Variants in MEIOB observed in about 807,000 individuals in gnomAD.
MEIOB encodes meiosis specific with OB-fold.
A neutral mutation model predicts 53.1 loss-of-function variants in MEIOB; 50 were observed. The ratio of observed to expected loss-of-function variants is 0.94; its 90% CI spans 0.75 to 1.19. MEIOB has a LOEUF of 1.19. Among genes scored for constraint, MEIOB ranks in the 50% most tolerant of loss-of-function variants. The probability of loss-of-function intolerance (pLI) is 0.00; values close to 1 mark genes in which losing one functional copy is unlikely to be tolerated. For missense variants in MEIOB, 551 were observed against 550.8 expected, an observed-to-expected ratio of 1.00 and a Z score of 0.00; for synonymous variants, 192 against 182.5, an observed-to-expected ratio of 1.05 and a Z score of -0.42.
intron 8 of MEIOB, 21 bp downstream of exon 8, chr16:1,853,198 A>AC (rs1304068953): frequency 6.4e-7 from 1 of 1,557,154 alleles, no homozygotes; most frequent in Non-Finnish European, 8.7e-7. Context: ...AATATTGGAC[A>AC]CAATCATTGA....
chr16:1,860,173 G>A (rs1436840189), intron 5 of MEIOB, among the ~76,000 whole-genome samples: 2 of 152,116 alleles, frequency 1.3e-5, no homozygotes, highest in African/African-American at 4.8e-5. Flanking sequence ...TCAAATTTTT[G>A]TAAATCTAAG....
In MEIOB at chr16:1,841,979, A is replaced by G; in HGVS notation, c.881-6T>C. On this transcript the variant is annotated splice_region_variant and splice_polypyrimidine_tract_variant and intron_variant, in intron 10 of 13. Coordinates refer to ENST00000325962, the MANE Select transcript of MEIOB (RefSeq NM_001163560.3). ...GACATCAACTATTGTACTTACTAAA[A>G]ACAGAAAGAAGTATTACAGTTCTGT... is the stretch of plus-strand genomic sequence containing the variant. 1 of 1,537,816 alleles carries G rather than the reference A, an allele frequency of 6.5e-7. No individual in the cohort carries two copies. The highest frequency in any genetic ancestry group is 2.1e-5 in the Admixed American group (1 of 48,766).
At chr16:1,859,704 C>G (rs1899395343) in intron 5 of MEIOB, among the ~76,000 whole-genome samples, 1 of 152,176 alleles carries the variant, frequency 6.6e-6, no homozygotes, top group South Asian at 2.1e-4. Context: ...GAACGGGTCA[C>G]AGTTGATGCG....
In MEIOB at chr16:1,863,725, C is replaced by CA. The variant is rs5815103; in HGVS notation, c.128-1610dup. Reference sequence around the variant, plus strand: ...GGAAGAACAGAGTGAGACCCTGTCTCAAAAAAAAAAAAAATAAATTTTAAA... The same window carrying CA: ...GGAAGAACAGAGTGAGACCCTGTCTCAAAAAAAAAAAAAAATAAATTTTAAA... On this transcript the variant is annotated intron_variant, in intron 3 of 13. Transcript: ENST00000325962. Among the ~76,000 whole-genome samples, 29 of 147,354 alleles carry CA rather than the reference C, an allele frequency of 2.0e-4. 1 individual carries two copies. The highest frequency in any genetic ancestry group is 4.2e-4 in the South Asian group (2 of 4,706).
At chr16:1,871,297 A>G (rs548079765) in intron 1 of MEIOB, among the ~76,000 whole-genome samples, 25 of 143,612 alleles carry the variant, frequency 1.7e-4, no homozygotes, top group African/African-American at 4.2e-4. Flanking sequence ...TCGGCTCACT[A>G]CAAGCTCCGC....
intron 10 of MEIOB, among the ~76,000 whole-genome samples, chr16:1,842,350 C>T (rs1472547812): frequency 2.0e-5 from 3 of 151,230 alleles, no homozygotes; most frequent in South Asian, 2.1e-4. Context: ...CACAGTGGCT[C>T]ATGCCTGTAA....
intron 7 of MEIOB, among the ~76,000 whole-genome samples, chr16:1,853,689 T>A (rs1328572210): frequency 6.6e-6 from 1 of 152,050 alleles, no homozygotes; most frequent in African/African-American, 2.4e-5. Flanking sequence ...GCATCAGAGG[T>A]CTAGACAATG....
chr16:1,848,912 T>C (rs921876673), intron 9 of MEIOB, among the ~76,000 whole-genome samples: 2 of 152,102 alleles, frequency 1.3e-5, no homozygotes, highest in African/African-American at 4.8e-5. Context: ...AATATGACAG[T>C]TTATGCAAAT....
Position 1,856,522 on chromosome 16 carries a change from T to G in MEIOB, c.528+1213A>C, listed in dbSNP as rs191172437. On this transcript the variant is annotated intron_variant, in intron 6 of 13. Coordinates refer to ENST00000325962, the MANE Select transcript of MEIOB (RefSeq NM_001163560.3). ...TTTTAGTAGAGACGGGGTTTCACCG[T>G]GTTAGCCAGGATGGTCTCGATCTCC... Among the ~76,000 whole-genome samples, 419 of 152,222 alleles carry G rather than the reference T, an allele frequency of 2.8e-3. 14 individuals carry two copies. In the East Asian group the frequency reaches 0.074, roughly 27 times the overall value.
Position 1,837,881 on chromosome 16 carries a change from A to G in MEIOB, c.1219-11T>C. 2 of 1,492,054 alleles carry G rather than the reference A, an allele frequency of 1.3e-6. No homozygotes were observed. The highest frequency in any genetic ancestry group is 1.8e-6 in the Non-Finnish European group (2 of 1,118,476). The allele number at this position is 1,492,054 out of a possible 1,614,324, so 92.4% of individuals were successfully genotyped here. Reference sequence around the variant, plus strand: ...AAGAAACTCATGTACCTGGTTAAAAAAAAAATATGAGACAAATATATTTGA... The same window carrying G: ...AAGAAACTCATGTACCTGGTTAAAAGAAAAATATGAGACAAATATATTTGA... On this transcript the variant is annotated splice_polypyrimidine_tract_variant and intron_variant, in intron 12 of 13. Transcript: ENST00000325962.
Position 1,854,098 on chromosome 16 carries a change from A to G in MEIOB, c.629+2T>C. Reference sequence around the variant, plus strand: ...CAGTTTGGAACAGACATCGGTGTTTACCATGTCATCGCAAAAGACGACTCT... The same window carrying G: ...CAGTTTGGAACAGACATCGGTGTTTGCCATGTCATCGCAAAAGACGACTCT... On this transcript the variant is annotated splice_donor_variant, in intron 7 of 13. Transcript: ENST00000325962. LOFTEE classifies it high-confidence loss of function. 6.6e-7 allele frequency: 1 copy of G among 1,525,360 alleles called. No individual in the cohort carries two copies. Among genetic ancestry groups the G allele is most frequent in the Non-Finnish European group, 8.9e-7 (1 of 1,123,436 alleles). The allele number at this position is 1,525,360 out of a possible 1,614,324, so 94.5% of individuals were successfully genotyped here.
intron 3 of MEIOB, among the ~76,000 whole-genome samples, chr16:1,862,688 A>G (rs1899477014): frequency 1.3e-5 from 2 of 152,026 alleles, no homozygotes; most frequent in South Asian, 4.2e-4. Flanking sequence ...TGGGAGCCCG[A>G]GGCGGGTGGA....
chr16:1,846,114 T>C (rs1033912620), intron 9 of MEIOB, among the ~76,000 whole-genome samples: 4 of 152,206 alleles, frequency 2.6e-5, no homozygotes, highest in Admixed American at 2.6e-4. Flanking sequence ...ATTATCTCAA[T>C]TCTTGGCAAG....
At position 1,871,142 on chromosome 16, in the gene MEIOB, A is replaced by T. The variant is rs529092982; in HGVS notation, c.-10+851T>A. Among the ~76,000 whole-genome samples the T allele has an allele frequency of 3.3e-5, 5 of 152,228 alleles. No homozygotes were observed. In the East Asian group the frequency reaches 9.6e-4, roughly 29 times the overall value. ...GGTCACTTTAACAGATACAAAATTA[A>T]CATGAACTAAAGAGCTCAATCTGAG... On this transcript the variant is annotated intron_variant, in intron 1 of 13. Transcript: ENST00000325962.
At chr16:1,853,169 TG>T (rs1238369791) in intron 8 of MEIOB, 35 bp from the exon 9 acceptor site, 3 of 1,570,496 alleles carry the variant, frequency 1.9e-6, no homozygotes, top group Non-Finnish European at 1.7e-6. Context: ...AATTATTACA[TG>T]GGAGGATATA....
At chr16:1,845,832 TGGACCCCA>T (rs1311569179) in intron 9 of MEIOB, among the ~76,000 whole-genome samples, 1 of 152,166 alleles carries the variant, frequency 6.6e-6, no homozygotes, top group Non-Finnish European at 1.5e-5. Flanking sequence ...ATGATGCCCT[TGGACCCCA>T]GGACCCCAGC....
intron 5 of MEIOB, among the ~76,000 whole-genome samples, chr16:1,859,378 C>T (rs1233882083): frequency 1.3e-5 from 2 of 152,014 alleles, no homozygotes; most frequent in Non-Finnish European, 2.9e-5. Context: ...CCCGCCTCTA[C>T]TAAAAATACA....
intron 4 of MEIOB, 69 bp downstream of exon 4, chr16:1,861,916 T>C: frequency 7.1e-7 from 1 of 1,404,764 alleles, no homozygotes; most frequent in Non-Finnish European, 9.7e-7. Context: ...TCCTTCAGTA[T>C]AGTTACCATA....
At chr16:1,861,804 G>A (rs1324959526) in intron 4 of MEIOB, among the ~76,000 whole-genome samples, 181 bp downstream of exon 4, 1 of 151,842 alleles carries the variant, frequency 6.6e-6, no homozygotes, top group Non-Finnish European at 1.5e-5. Flanking sequence ...CAAAGTGTTG[G>A]GATTACAGGC....
Sources: allele counts gnomAD v4.1 joint callset (sites outside exome capture counted in the v4.1 genomes callset), GRCh38; gene constraint gnomAD v4.1.1; transcripts MANE v1.5; gene names NCBI Gene and HGNC (gene_info 2026-07-23, HGNC 2026-07-21).